Variants in KDM4C observed in about 807,000 individuals in gnomAD.
KDM4C encodes lysine-specific demethylase 4C.
KDM4C carries 81 observed loss-of-function variants against 129.3 expected under a neutral mutation model. That is an observed-to-expected ratio of 0.63 (90% CI 0.52 to 0.75). The LOEUF (loss-of-function observed/expected upper bound fraction) is 0.75, where lower values mean the gene tolerates loss of function less well. KDM4C is among the 30% of genes least tolerant of loss of function. The probability of loss-of-function intolerance (pLI) is 0.00; values close to 1 mark genes in which losing one functional copy is unlikely to be tolerated. For missense variants in KDM4C, 1,457 were observed against 1,304.0 expected (o/e 1.12, Z -1.81); for synonymous variants, 573 against 456.1 (o/e 1.26, Z -3.26).
At chr9:6,963,495 T>C (rs113618245) in intron 8 of KDM4C, among the ~76,000 whole-genome samples, 4,337 of 152,298 alleles carry the variant, frequency 0.028, 210 homozygotes, top group African/African-American at 0.097. Flanking sequence ...GAGTTGTTTG[T>C]GGTAGGGGAG....
Position 6,893,101 on chromosome 9 carries a change from C to G in KDM4C, c.790C>G (p.Gln264Glu), listed in dbSNP as rs1846334398. 6.3e-7 allele frequency: 1 copy of G among 1,576,694 alleles called. No individual in the cohort carries two copies. Among genetic ancestry groups the G allele is most frequent in the Non-Finnish European group, 8.6e-7 (1 of 1,160,944 alleles). The change falls in exon 8 of 22, where the codon CAG (glutamine) becomes GAG (glutamate). Residue 264 changes from glutamine (Q) to glutamate (E), a missense_variant. Physicochemically the swap from Gln to Glu is conservative, Grantham distance 29 (BLOSUM62 2). Coordinates refer to ENST00000381309, the MANE Select transcript of KDM4C (RefSeq NM_015061.6). ...KYGIPFDKITQEAGEFMITFP... is the reference protein window; with the variant it reads ...KYGIPFDKITEEAGEFMITFP... ...TATGTTTCCTACCTTGCAGATAACCCAGGAGGCTGGAGAATTCATGATCAC... is the reference window on the plus strand; with the variant it reads ...TATGTTTCCTACCTTGCAGATAACCGAGGAGGCTGGAGAATTCATGATCAC...
At chr9:6,885,439 G>C (rs962652553) in intron 6 of KDM4C, among the ~76,000 whole-genome samples, 2 of 152,080 alleles carry the variant, frequency 1.3e-5, no homozygotes, top group Non-Finnish European at 2.9e-5. Context: ...GCAGCACTTT[G>C]GTGTTCTTAG....
At chr9:6,814,601 T>G (rs1372980144) in intron 3 of KDM4C, 30 bp from the exon 4 acceptor site, 2 of 1,364,114 alleles carry the variant, frequency 1.5e-6, no homozygotes, top group Non-Finnish European at 2.1e-6. Flanking sequence ...ACTTACTGGT[T>G]TGTACATTTT....
At chr9:7,006,312 A>T (rs1244474703) in intron 12 of KDM4C, among the ~76,000 whole-genome samples, 2 of 152,178 alleles carry the variant, frequency 1.3e-5, no homozygotes, top group Non-Finnish European at 2.9e-5. Context: ...TCCCCTTCTC[A>T]TAACATGTCC....
intron 2 of KDM4C, among the ~76,000 whole-genome samples, chr9:6,798,671 C>T (rs1228769616): frequency 2.0e-5 from 3 of 152,244 alleles, no homozygotes; most frequent in Non-Finnish European, 4.4e-5. Flanking sequence ...CATCCGATTT[C>T]TCAGTCTTTT....
At chr9:7,174,337 G>A (rs946003476) in intron 21 of KDM4C, among the ~76,000 whole-genome samples, 1 of 152,188 alleles carries the variant, frequency 6.6e-6, no homozygotes, top group African/African-American at 2.4e-5. Flanking sequence ...GGGTTGGAGG[G>A]TGGGGAGATC....
At chr9:7,082,076 A>G (rs1564093008) in intron 17 of KDM4C, among the ~76,000 whole-genome samples, 2 of 152,176 alleles carry the variant, frequency 1.3e-5, no homozygotes, top group Admixed American at 1.3e-4. Flanking sequence ...CATCAAATAA[A>G]TGCTTCTGAA....
At chr9:7,073,632 C>T (rs2093546101) in intron 17 of KDM4C, among the ~76,000 whole-genome samples, 1 of 152,194 alleles carries the variant, frequency 6.6e-6, no homozygotes. Flanking sequence ...CTTTTCATTT[C>T]AGAGTACTTT....
intron 5 of KDM4C, among the ~76,000 whole-genome samples, chr9:6,874,751 A>G (rs768843654): frequency 6.6e-6 from 1 of 152,092 alleles, no homozygotes; most frequent in Non-Finnish European, 1.5e-5. Context: ...CCCAGGAGGA[A>G]TGAAGAGAAG....
intron 21 of KDM4C, among the ~76,000 whole-genome samples, chr9:7,171,860 A>G (rs1012510604): frequency 1.3e-5 from 2 of 152,106 alleles, no homozygotes; most frequent in African/African-American, 4.8e-5. Context: ...AAGTGAAAAT[A>G]TGTAAATCAC....
At chr9:6,925,553 C>T (rs1040694727) in intron 8 of KDM4C, 2 of 976,136 alleles carry the variant, frequency 2.0e-6, no homozygotes, top group Non-Finnish European at 1.2e-6. Flanking sequence ...ACCTTGGCCT[C>T]CCGAAGTTCT....
chr9:6,777,414 CAA>C (rs1308787812), intron 1 of KDM4C, among the ~76,000 whole-genome samples: 1 of 152,224 alleles, frequency 6.6e-6, no homozygotes, highest in Non-Finnish European at 1.5e-5. Flanking sequence ...TTAAGTCATG[CAA>C]AGAGTCTTCC....
chr9:7,028,583 C>T (rs1037533718), intron 15 of KDM4C, among the ~76,000 whole-genome samples: 2 of 152,020 alleles, frequency 1.3e-5, no homozygotes, highest in Non-Finnish European at 2.9e-5. Flanking sequence ...TCCTCAGCTG[C>T]CTCGACTGGT....
At chr9:6,768,531 A>C (rs994135943) in intron 1 of KDM4C, among the ~76,000 whole-genome samples, 2 of 152,160 alleles carry the variant, frequency 1.3e-5, no homozygotes, top group African/African-American at 4.8e-5. Flanking sequence ...TCAGGAAATT[A>C]ACACTGATAC....
chr9:6,807,724 G>A (rs1258438057), intron 3 of KDM4C, among the ~76,000 whole-genome samples: 1 of 143,976 alleles, frequency 6.9e-6, no homozygotes, highest in Non-Finnish European at 1.5e-5. Flanking sequence ...CTCTCCGCCC[G>A]GCAGCCACCC....
At chr9:7,172,734 T>G (rs1388644642) in intron 21 of KDM4C, among the ~76,000 whole-genome samples, 1 of 152,228 alleles carries the variant, frequency 6.6e-6, no homozygotes. Context: ...GTTTTCAGGC[T>G]TCCTTGTGGC....
chr9:6,882,309 A>G (rs899574997), intron 6 of KDM4C, among the ~76,000 whole-genome samples: 1 of 152,222 alleles, frequency 6.6e-6, no homozygotes, highest in African/African-American at 2.4e-5. Context: ...AGAGAGTTAT[A>G]ATGTTAAATC....
At chr9:7,003,561 G>A (rs1468381484) in intron 12 of KDM4C, among the ~76,000 whole-genome samples, 1 of 151,862 alleles carries the variant, frequency 6.6e-6, no homozygotes, top group African/African-American at 2.4e-5. Flanking sequence ...ATTGAGAGGT[G>A]ATACATAAAG....
chr9:6,859,690 G>A lies in KDM4C; in HGVS notation c.629+9990G>A, dbSNP rs187998043. ...ATCCTGGGTAACATGGTGAAACCCC[G>A]TCTCTACTAAGAATAATAAAAAAAA... On this transcript the variant is annotated intron_variant, in intron 5 of 21. Coordinates refer to ENST00000381309, the MANE Select transcript of KDM4C (RefSeq NM_015061.6). 7.3e-3 allele frequency among the ~76,000 whole-genome samples: 1,103 copies of A among 151,152 alleles called. 20 individuals are homozygous for A. Among genetic ancestry groups the A allele is most frequent in the African/African-American group, 0.025 (1,047 of 41,222 alleles).
Sources: allele counts gnomAD v4.1 joint callset (sites outside exome capture counted in the v4.1 genomes callset), GRCh38; gene constraint gnomAD v4.1.1; transcripts MANE v1.5; gene names NCBI Gene and HGNC (gene_info 2026-07-23, HGNC 2026-07-21).